DLGAP2: variants seen among roughly 807,000 people sequenced by gnomAD.
The protein encoded by DLGAP2 is DLG associated protein 2, also known as disks large-associated protein 2.
A neutral mutation model predicts 100.3 loss-of-function variants in DLGAP2; 26 were observed. That is an observed-to-expected ratio of 0.26 (90% CI 0.19 to 0.36). The LOEUF (loss-of-function observed/expected upper bound fraction) is 0.36. DLGAP2 is among the 10% of genes least tolerant of loss of function. The probability of loss-of-function intolerance (pLI) is 1.00; values close to 1 mark genes in which losing one functional copy is unlikely to be tolerated. For missense variants in DLGAP2, 1,858 were observed against 1,453.2 expected, an observed-to-expected ratio of 1.28 and a Z score of -4.53; for synonymous variants, 886 against 630.1, an observed-to-expected ratio of 1.41 and a Z score of -6.08.
At chr8:1,068,384 C>A (rs541790154) in intron 2 of DLGAP2, among the ~76,000 whole-genome samples, 7 of 152,346 alleles carry the variant, frequency 4.6e-5, no homozygotes, top group African/African-American at 1.7e-4. Context: ...ACCAAAATGT[C>A]TTCCAACGCA....
At chr8:1,639,729 C>G (rs945048777) in intron 8 of DLGAP2, among the ~76,000 whole-genome samples, 6 of 152,240 alleles carry the variant, frequency 3.9e-5, no homozygotes, top group Non-Finnish European at 8.8e-5. Flanking sequence ...TCAGGTCGTT[C>G]TGGAGGCTTC....
intron 2 of DLGAP2, among the ~76,000 whole-genome samples, chr8:911,292 T>C (rs935207356): frequency 6.6e-6 from 1 of 152,206 alleles, no homozygotes; most frequent in Non-Finnish European, 1.5e-5. Context: ...GTTGGAAGGA[T>C]GCTGGAGAAT....
chr8:1,023,272 C>G (rs893481601), intron 2 of DLGAP2, among the ~76,000 whole-genome samples: 3 of 152,176 alleles, frequency 2.0e-5, no homozygotes, highest in East Asian at 1.9e-4. Context: ...GGAGCTATCA[C>G]GTAGGTCTGT....
intron 6 of DLGAP2, among the ~76,000 whole-genome samples, chr8:1,602,722 A>T (rs1796668154): frequency 6.6e-6 from 1 of 152,106 alleles, no homozygotes. Context: ...TATTCATCCC[A>T]CAAGTGTCTC....
At chr8:1,096,183 G>A (rs944008054) in intron 2 of DLGAP2, among the ~76,000 whole-genome samples, 7 of 152,206 alleles carry the variant, frequency 4.6e-5, no homozygotes, top group African/African-American at 1.4e-4. Flanking sequence ...CACCATGGCT[G>A]ACTTTCCATG....
At chr8:943,757 C>T (rs988795138) in intron 2 of DLGAP2, among the ~76,000 whole-genome samples, 4 of 152,280 alleles carry the variant, frequency 2.6e-5, no homozygotes, top group Non-Finnish European at 5.9e-5. Context: ...CCGCTCTGTA[C>T]ACGATCATGT....
chr8:1,600,777 C>A (rs1563248838), intron 6 of DLGAP2, among the ~76,000 whole-genome samples: 1 of 152,158 alleles, frequency 6.6e-6, no homozygotes, highest in Admixed American at 6.5e-5. Flanking sequence ...ATTCCTGTAA[C>A]CTTTTTTCAA....
chr8:1,441,173 G>A (rs1425916455), intron 3 of DLGAP2, among the ~76,000 whole-genome samples: 1 of 152,156 alleles, frequency 6.6e-6, no homozygotes, highest in Non-Finnish European at 1.5e-5. Context: ...TATAATTGAT[G>A]TGCAATATTT....
rs772505544 is a variant in DLGAP2, at chr8:1,697,217, T to A, written c.2867T>A (p.Ile956Asn). 1.2e-6 allele frequency: 2 copies of A among 1,611,834 alleles called. No individual in the cohort carries two copies. Among genetic ancestry groups the A allele is most frequent in the Non-Finnish European group, 8.5e-7 (1 of 1,178,918 alleles). ...TACTGGGACATGCTGCAGCTCTCCA[T>A]TGAGGACGTCAGCATGAAGTTCGAC... The part of the protein sequence containing the change: ...AGYWDMLQLS[I>N]EDVSMKFDEL... Residue 956 changes from isoleucine (I) to asparagine (N), a missense_variant, in exon 14 of 15, where the codon ATT becomes AAT. By Grantham distance (149) the Ile-to-Asn change is moderately radical. Transcript: ENST00000637795.
intron 2 of DLGAP2, among the ~76,000 whole-genome samples, chr8:1,159,924 C>G (rs899695425): frequency 6.6e-6 from 1 of 152,184 alleles, no homozygotes; most frequent in Admixed American, 6.5e-5. Context: ...GCTCCCACCT[C>G]CCTGTGAGAT....
intron 3 of DLGAP2, among the ~76,000 whole-genome samples, chr8:1,425,904 A>AG (rs1797225439): frequency 1.3e-5 from 2 of 152,182 alleles, no homozygotes; most frequent in African/African-American, 4.8e-5. Context: ...CAGGGAAGAA[A>AG]GGAGACTGGG....
At chr8:1,436,884 A>C (rs1797647960) in intron 3 of DLGAP2, among the ~76,000 whole-genome samples, 1 of 152,230 alleles carries the variant, frequency 6.6e-6, no homozygotes, top group South Asian at 2.1e-4. Flanking sequence ...ATGTGGAGAC[A>C]TGTTGAGATA....
Position 1,062,651 on chromosome 8 carries a change from C to A in DLGAP2, c.73+154685C>A, listed in dbSNP as rs556341210. Among the ~76,000 whole-genome samples, 5 of 152,270 alleles carry A rather than the reference C, an allele frequency of 3.3e-5. No homozygotes were observed. In the South Asian group the frequency reaches 6.2e-4, roughly 19 times the overall value. On this transcript the variant is annotated intron_variant, in intron 2 of 14. Transcript: ENST00000637795. ...TGCAGCATGTTTTTCCCTTGCCCTC[C>A]CTCCCTCCTGGCCATAGGTCTTGCC...
intron 5 of DLGAP2, among the ~76,000 whole-genome samples, chr8:1,557,505 A>C (rs1802005550): frequency 6.6e-6 from 1 of 152,118 alleles, no homozygotes; most frequent in Non-Finnish European, 1.5e-5. Context: ...GAGAGAACTC[A>C]GGTGCTGTGT....
intron 2 of DLGAP2, among the ~76,000 whole-genome samples, chr8:1,061,644 C>T (rs919857377): frequency 3.9e-5 from 6 of 152,068 alleles, no homozygotes; most frequent in African/African-American, 9.7e-5. Context: ...TCACAGAGAG[C>T]GAGCGTCCCT....
chr8:918,840 C>G (rs181772951), intron 2 of DLGAP2, among the ~76,000 whole-genome samples: 2 of 152,218 alleles, frequency 1.3e-5, no homozygotes, highest in African/African-American at 4.8e-5. Context: ...TTGGAGACAT[C>G]AAAGCATATT....
intron 1 of DLGAP2, among the ~76,000 whole-genome samples, chr8:881,615 T>C (rs1430051035): frequency 7.6e-6 from 1 of 131,558 alleles, no homozygotes; most frequent in Non-Finnish European, 1.7e-5. Context: ...TTCTCCTGCC[T>C]CAGCCTCCCA....
At chr8:1,308,425 C>G (rs1035155120) in intron 3 of DLGAP2, among the ~76,000 whole-genome samples, 2 of 152,140 alleles carry the variant, frequency 1.3e-5, no homozygotes, top group East Asian at 3.8e-4. Context: ...CAGAGTCAGC[C>G]CCTTCTAATA....
At chr8:1,175,128 G>A (rs1366662821) in intron 2 of DLGAP2, among the ~76,000 whole-genome samples, 2 of 152,130 alleles carry the variant, frequency 1.3e-5, no homozygotes, top group African/African-American at 2.4e-5. Flanking sequence ...CTTCAGATCT[G>A]GAAGAATCTA....
Sources: gnomAD v4.1 joint callset for allele counts (sites outside exome capture counted in the v4.1 genomes callset) on GRCh38, gnomAD v4.1.1 for gene constraint, MANE v1.5 for transcripts, NCBI Gene and HGNC (gene_info 2026-07-23, HGNC 2026-07-21) for gene names.